The following ADAMTSL1 variants were observed in gnomAD, a reference collection of about 807,000 sequenced individuals.
ADAMTSL1 encodes the protein ADAMTS like 1, also known as ADAMTS-like protein 1.
ADAMTSL1 carries 126 observed loss-of-function variants against 201.8 expected under a neutral mutation model. The observed-to-expected ratio is 0.62, with a 90% confidence interval of 0.54 to 0.72. ADAMTSL1 has a LOEUF of 0.72. Ranked by LOEUF, ADAMTSL1 falls within the 30% of genes least tolerant of loss-of-function variation. ADAMTSL1 has a pLI of 0.00. For synonymous variants in ADAMTSL1, 1,121 were observed against 903.4 expected, an observed-to-expected ratio of 1.24 and a Z score of -4.32; for missense variants, 2,679 against 2,277.8, an observed-to-expected ratio of 1.18 and a Z score of -3.59.
At chr9:18,453,457 A>G (rs970818906) in intron 2 of ADAMTSL1, among the ~76,000 whole-genome samples, 3 of 152,148 alleles carry the variant, frequency 2.0e-5, no homozygotes, top group African/African-American at 7.2e-5. Flanking sequence ...TCACTTGGCC[A>G]CACCCTTGGT....
At chr9:18,150,157 C>T (rs1415987360) in intron 1 of ADAMTSL1, among the ~76,000 whole-genome samples, 1 of 151,996 alleles carries the variant, frequency 6.6e-6, no homozygotes, top group Non-Finnish European at 1.5e-5. Flanking sequence ...GTCATTGTAT[C>T]AGTGCTGTCT....
intron 23 of ADAMTSL1, among the ~76,000 whole-genome samples, chr9:18,838,931 A>G (rs1420416701): frequency 1.3e-5 from 2 of 151,480 alleles, no homozygotes; most frequent in African/African-American, 4.8e-5. Flanking sequence ...CTTAATAAAA[A>G]CAGTGCCTTT....
intron 1 of ADAMTSL1, among the ~76,000 whole-genome samples, chr9:18,481,875 T>A (rs1273008291): frequency 6.6e-6 from 1 of 152,230 alleles, no homozygotes; most frequent in Non-Finnish European, 1.5e-5. Context: ...ATTACCATTA[T>A]GTGTGACCAA....
Position 18,777,832 on chromosome 9 carries a change from C to G in ADAMTSL1, c.3603C>G (p.His1201Gln), listed in dbSNP as rs1207708810. The change falls in exon 19 of 29, where the codon CAC (histidine) becomes CAG (glutamine). Residue 1201 changes from histidine (H) to glutamine (Q), a missense_variant. His to Gln is a conservative substitution (Grantham distance 24). Coordinates refer to ENST00000380548, the MANE Select transcript of ADAMTSL1 (RefSeq NM_001040272.6). ...GCGGGACACTGAGTGTTCTTCTGCA[C>G]TGTGAGGCCATCGGCCACCCAAGGC... ...LASGTLSVLLHCEAIGHPRPT... is the reference protein window; with the variant it reads ...LASGTLSVLLQCEAIGHPRPT... 1 of 1,607,534 alleles carries G rather than the reference C, an allele frequency of 6.2e-7. No individual in the cohort carries two copies. Among genetic ancestry groups the G allele is most frequent in the Non-Finnish European group, 8.5e-7 (1 of 1,175,000 alleles).
chr9:18,132,837 C>T (rs912200294), intron 1 of ADAMTSL1, among the ~76,000 whole-genome samples: 8 of 152,274 alleles, frequency 5.3e-5, no homozygotes, highest in African/African-American at 1.9e-4. Context: ...TAGTGCTCCC[C>T]AAGCTCCCAT....
intron 1 of ADAMTSL1, among the ~76,000 whole-genome samples, chr9:17,981,043 C>G (rs555430947): frequency 6.6e-6 from 1 of 152,166 alleles, no homozygotes; most frequent in Non-Finnish European, 1.5e-5. Context: ...AAGCCATTCA[C>G]GAGGGATTCA....
intron 2 of ADAMTSL1, among the ~76,000 whole-genome samples, chr9:18,414,806 G>A (rs1818600833): frequency 2.0e-5 from 3 of 152,158 alleles, no homozygotes; most frequent in Admixed American, 6.5e-5. Flanking sequence ...ATACTGATCA[G>A]TACATGCCTG....
intron 1 of ADAMTSL1, among the ~76,000 whole-genome samples, chr9:18,141,941 T>C (rs1826414618): frequency 6.6e-6 from 1 of 152,210 alleles, no homozygotes; most frequent in Admixed American, 6.5e-5. Flanking sequence ...GACACAAGGA[T>C]AGCAGTACTT....
intron 2 of ADAMTSL1, among the ~76,000 whole-genome samples, chr9:18,284,810 G>A (rs57503599): frequency 0.11 from 16,068 of 152,096 alleles, 946 homozygotes; most frequent in Middle Eastern, 0.17. Context: ...ATATATTGCT[G>A]TATTATCTGA....
intron 2 of ADAMTSL1, among the ~76,000 whole-genome samples, chr9:18,275,907 A>G (rs1467541912): frequency 6.6e-6 from 1 of 152,112 alleles, no homozygotes; most frequent in East Asian, 1.9e-4. Context: ...TCCTATGATA[A>G]ATGCATGTTC....
intron 23 of ADAMTSL1, among the ~76,000 whole-genome samples, chr9:18,853,323 C>T (rs1826620087): frequency 1.3e-5 from 2 of 152,172 alleles, no homozygotes; most frequent in Admixed American, 1.3e-4. Context: ...CGTTTTAGTA[C>T]TCAAATCAGT....
At chr9:18,289,867 T>G (rs1164942581) in intron 2 of ADAMTSL1, among the ~76,000 whole-genome samples, 1 of 152,188 alleles carries the variant, frequency 6.6e-6, no homozygotes, top group Non-Finnish European at 1.5e-5. Context: ...CAGTTTATAA[T>G]TCAAAGGAAA....
chr9:18,900,641 G>A (rs752574354), intron 26 of ADAMTSL1, among the ~76,000 whole-genome samples: 1 of 152,142 alleles, frequency 6.6e-6, no homozygotes, highest in Non-Finnish European at 1.5e-5. Flanking sequence ...GGATAGAGCT[G>A]AAAGCGTTAT....
chr9:18,889,726 A>G lies in ADAMTSL1; in HGVS notation c.4621A>G (p.Asn1541Asp). The G allele has an allele frequency of 6.6e-7, 1 of 1,507,830 alleles. No homozygotes were observed. The highest frequency in any genetic ancestry group is 8.9e-7 in the Non-Finnish European group (1 of 1,125,864). The allele number at this position is 1,507,830 out of a possible 1,614,324, so 93.4% of individuals were successfully genotyped here. A position where few individuals can be genotyped will look rare whatever the true frequency, so the allele number is the denominator to read the frequency against. The change falls in exon 25 of 29, where the codon AAC becomes GAC. Residue 1541 changes from asparagine to aspartate, a missense_variant. Asn to Asp is a conservative substitution (Grantham distance 23). Coordinates refer to ENST00000380548, the MANE Select transcript of ADAMTSL1 (RefSeq NM_001040272.6). ...CCCTGCGGTGCAGCCCATCGCGTGC[A>G]ACCGGAGAGACTGCCCTTCTCGGTG... ...VRPAVQPIAC[N>D]RRDCPSRWMV...
In ADAMTSL1 at chr9:18,289,172, T is replaced by C. The variant is rs10114328; in HGVS notation, c.207+125191T>C. Among the ~76,000 whole-genome samples, 151 of 138,172 alleles carry C rather than the reference T, an allele frequency of 1.1e-3. 1 individual carries two copies. The highest frequency in any genetic ancestry group is 7.4e-3 in the Middle Eastern group (2 of 270). The allele number at this position is 138,172 out of a possible 152,430, so 90.6% of individuals were successfully genotyped here. A position where few individuals can be genotyped will look rare whatever the true frequency, so the allele number is the denominator to read the frequency against. ...ATCTATCTATCTATCTATCTATCTA[T>C]CTACCTACCTATCTATCTATAGAGA... On this transcript the variant is annotated intron_variant, in intron 2 of 29. Transcript: ENST00000680146.
chr9:18,766,080 C>T (rs1214579970), intron 16 of ADAMTSL1, among the ~76,000 whole-genome samples: 2 of 151,136 alleles, frequency 1.3e-5, no homozygotes, highest in African/African-American at 4.8e-5. Context: ...CTGGAGTACA[C>T]AGGGAAAGGG....
Position 18,657,631 on chromosome 9 carries a change from T to C in ADAMTSL1, c.835-8T>C. 1 of 1,608,570 alleles carries C rather than the reference T, an allele frequency of 6.2e-7. No homozygotes were observed. The highest frequency in any genetic ancestry group is 8.5e-7 in the Non-Finnish European group (1 of 1,174,996). Reference sequence around the variant, plus strand: ...ACATTACTTCTACTTTCCTGTTGACTCCTGCAGATTCGTAACTCGGGCTCC... The same window carrying C: ...ACATTACTTCTACTTTCCTGTTGACCCCTGCAGATTCGTAACTCGGGCTCC... On this transcript the variant is annotated splice_polypyrimidine_tract_variant and splice_region_variant and intron_variant, in intron 7 of 28. Transcript: ENST00000380548.
At chr9:18,826,940 C>G (rs1192133286) in intron 22 of ADAMTSL1, among the ~76,000 whole-genome samples, 1 of 152,118 alleles carries the variant, frequency 6.6e-6, no homozygotes, top group Non-Finnish European at 1.5e-5. Flanking sequence ...TCTAAAGTCT[C>G]CACATGTACC....
chr9:18,313,547 T>C (rs996007711), intron 2 of ADAMTSL1, among the ~76,000 whole-genome samples: 1 of 152,186 alleles, frequency 6.6e-6, no homozygotes, highest in Non-Finnish European at 1.5e-5. Context: ...CTGTCTCTTT[T>C]TAAAAGCTCT....
Sources: allele counts gnomAD v4.1 joint callset (sites outside exome capture counted in the v4.1 genomes callset), GRCh38; gene constraint gnomAD v4.1.1; transcripts MANE v1.5; gene names NCBI Gene and HGNC (gene_info 2026-07-23, HGNC 2026-07-21).